The following SH2B1 variants were observed in gnomAD, a reference collection of about 807,000 sequenced individuals.
SH2B1 encodes the protein SH2B adapter protein 1.
Under a neutral mutation model 62.6 loss-of-function variants are expected in SH2B1, and 15 were observed. That is an observed-to-expected ratio of 0.24 (90% confidence interval 0.16 to 0.37). The LOEUF is 0.37. SH2B1 is among the 10% of genes least tolerant of loss of function. SH2B1 has a pLI of 1.00. For synonymous variants in SH2B1, 443 were observed against 438.0 expected, an observed-to-expected ratio of 1.01 and a Z score of -0.14; for missense variants, 925 against 1,015.6, an observed-to-expected ratio of 0.91 and a Z score of 1.21.
chr16:28,855,806 A>ATTTTTT (rs746171586), intron 1 of SH2B1, among the ~76,000 whole-genome samples: 2 of 102,404 alleles, frequency 2.0e-5, no homozygotes, highest in African/African-American at 8.0e-5. Flanking sequence ...CGCCCGGCTA[A>ATTTTTT]TTTTTTTTTT....
upstream of SH2B1, chr16:28,862,090 A>G (rs1221463338): frequency 6.6e-6 from 1 of 152,192 alleles, no homozygotes; most frequent in Non-Finnish European, 1.5e-5. Flanking sequence ...TACTTGGGCC[A>G]TAGCTTCCTT....
At chr16:28,858,368 C>G (rs1297876606) in intron 1 of SH2B1, among the ~76,000 whole-genome samples, 2 of 152,150 alleles carry the variant, frequency 1.3e-5, no homozygotes, top group East Asian at 3.9e-4. Flanking sequence ...CAAAGATTAG[C>G]TGGGTGTGGT....
In SH2B1 at chr16:28,863,953, C is replaced by T. The variant is rs547510267; in HGVS notation, c.-2142C>T. The T allele has an allele frequency of 6.1e-5, 88 of 1,451,236 alleles. 2 individuals are homozygous for T. In the East Asian group the frequency reaches 2.1e-3, roughly 35 times the overall value. The allele number at this position is 1,451,236 out of a possible 1,614,324, so 89.9% of individuals were successfully genotyped here. A position where few individuals can be genotyped will look rare whatever the true frequency, so the allele number is the denominator to read the frequency against. ...TCGGGGACCGAGATGCAGGTGGGACCGGAACCGGAACCCCCCTCTTCAAGT... is the reference window on the plus strand; with the variant it reads ...TCGGGGACCGAGATGCAGGTGGGACTGGAACCGGAACCCCCCTCTTCAAGT... On this transcript the variant is annotated 5_prime_UTR_variant, in exon 1 of 8. Coordinates refer to ENST00000684370, the MANE Select transcript of SH2B1 (RefSeq NM_001387430.1).
At chr16:28,863,652 C>T, upstream of SH2B1, 2 of 1,530,720 alleles carry the variant, frequency 1.3e-6, no homozygotes, top group Non-Finnish European at 1.8e-6. Flanking sequence ...CCCGCTGCGT[C>T]TGTGGTCGCT....
At chr16:28,850,443 A>G (rs1023777843) in intron 1 of SH2B1, among the ~76,000 whole-genome samples, 6 of 152,174 alleles carry the variant, frequency 3.9e-5, no homozygotes, top group African/African-American at 1.2e-4. Context: ...ACATGCTTGT[A>G]TAATCCCAGT....
At chr16:28,863,813 G>T (rs1462551800), upstream of SH2B1, 1 of 1,535,094 alleles carries the variant, frequency 6.5e-7, no homozygotes, top group East Asian at 2.4e-5. Context: ...TTCCTTCAGC[G>T]ACGGGAAAGG....
At position 28,871,893 on chromosome 16, in the gene SH2B1, C is replaced by T. The variant is rs759368706; in HGVS notation, c.1423C>T (p.Arg475Cys). Residue 475 changes from arginine to cysteine, a missense_variant, in exon 5 of 8, where the codon CGC becomes TGC. Arg to Cys is a radical substitution (Grantham distance 180, BLOSUM62 -3). This residue lies in a region of SH2B1 where 683 missense variants were observed against 704.0 expected (regional missense o/e 0.97). Transcript: ENST00000684370. Reference sequence around the variant, plus strand: ...ACTGCTTCCCCCAGAGTTGCCCCCCCGCATCCCCATTGAAGAGGGACCCCC... The same window carrying T: ...ACTGCTTCCCCCAGAGTTGCCCCCCTGCATCCCCATTGAAGAGGGACCCCC... ...MELLPPELPP[R>C]IPIEEGPPTG... The T allele has an allele frequency of 7.8e-6, 12 of 1,542,264 alleles. No homozygotes were observed. Among genetic ancestry groups the T allele is most frequent in the Non-Finnish European group, 9.0e-6 (10 of 1,114,546 alleles).
Position 28,872,482 on chromosome 16 carries a change from G to C in SH2B1, c.1726-52G>C. ...GGAGCACTGCCGGGGGAGGGGGTTT[G>C]TACCTGGCAGGGCCTTTGCCTCCTA... On this transcript the variant is annotated intron_variant, in intron 6 of 7. Transcript: ENST00000684370. This position sits in a 1 kb window ranked among gnomAD's most constrained non-coding sequence, Gnocchi z 5.3. 1 of 1,581,032 alleles carries C rather than the reference G, an allele frequency of 6.3e-7. No individual in the cohort carries two copies. The highest frequency in any genetic ancestry group is 1.2e-5 in the South Asian group (1 of 85,028).
At chr16:28,849,460 A>G (rs189336372) in intron 1 of SH2B1, among the ~76,000 whole-genome samples, 1 of 152,334 alleles carries the variant, frequency 6.6e-6, no homozygotes, top group East Asian at 1.9e-4. Flanking sequence ...TTATCCTAAG[A>G]CACTATTGGC....
chr16:28,855,760 C>T lies in SH2B1; in HGVS notation c.-300-5858C>T, dbSNP rs1057417392. Among the ~76,000 whole-genome samples the T allele has an allele frequency of 6.0e-5, 9 of 150,350 alleles. No homozygotes were observed. The East Asian group carries it at 1.8e-3, about 30-fold the overall frequency. The stretch of plus-strand genomic sequence containing the variant: ...GTTCATGCCATTCTCCTGCCTCCGC[C>T]TCCGGAGTAGCTGGGACTACAGGCG... On this transcript the variant is annotated intron_variant, in intron 1 of 10. Transcript: ENST00000322610.
At chr16:28,857,887 C>G (rs1160027573) in intron 1 of SH2B1, among the ~76,000 whole-genome samples, 1 of 151,998 alleles carries the variant, frequency 6.6e-6, no homozygotes, top group African/African-American at 2.4e-5. Context: ...CTACAGGCGC[C>G]CACCACCACA....
chr16:28,855,643 A>ATTAT (rs1962303459), intron 1 of SH2B1, among the ~76,000 whole-genome samples: 1 of 140,436 alleles, frequency 7.1e-6, no homozygotes, highest in African/African-American at 2.5e-5. Flanking sequence ...TTATTTATTT[A>ATTAT]TTTATTTTTT....
chr16:28,873,367 G>C lies in SH2B1; in HGVS notation c.1898-80G>C. 4 of 1,581,968 alleles carry C rather than the reference G, an allele frequency of 2.5e-6. No homozygotes were observed. The highest frequency in any genetic ancestry group is 2.6e-6 in the Non-Finnish European group (3 of 1,169,838). ...ATGTGGGGAGACAGCCACGCTCCTG[G>C]GGGGCTGAGTGAAGGGGAGGCCACG... On this transcript the variant is annotated intron_variant, in intron 7 of 7. Coordinates refer to ENST00000684370, the MANE Select transcript of SH2B1 (RefSeq NM_001387430.1). The surrounding 1 kb of genome is among the most constrained non-coding windows in gnomAD (Gnocchi z 4.2).
At chr16:28,849,789 G>C (rs540912369) in intron 1 of SH2B1, among the ~76,000 whole-genome samples, 1 of 152,016 alleles carries the variant, frequency 6.6e-6, no homozygotes, top group Non-Finnish European at 1.5e-5. Context: ...ACCTGGGCAT[G>C]GTGCACGCCT....
Position 28,873,396 on chromosome 16 carries a change from G to A in SH2B1, c.1898-51G>A. On this transcript the variant is annotated intron_variant, in intron 7 of 7. Transcript: ENST00000684370. This position sits in a 1 kb window ranked among gnomAD's most constrained non-coding sequence, Gnocchi z 4.2. Reference sequence around the variant, plus strand: ...GCTGAGTGAAGGGGAGGCCACGGCAGGAGCTCACCTGCCTCCACAATCAGT... The same window carrying A: ...GCTGAGTGAAGGGGAGGCCACGGCAAGAGCTCACCTGCCTCCACAATCAGT... 3 of 1,580,304 alleles carry A rather than the reference G, an allele frequency of 1.9e-6. No individual in the cohort carries two copies. Among genetic ancestry groups the A allele is most frequent in the Non-Finnish European group, 2.6e-6 (3 of 1,173,164 alleles).
In SH2B1 at chr16:28,864,870, T is replaced by G. The variant is rs2152172564; in HGVS notation, c.-1225T>G. On this transcript the variant is annotated 5_prime_UTR_variant, in exon 1 of 8. Transcript: ENST00000684370. ...GGCAGTCGTTCAGCGGATGCTTACT[T>G]TGCGTTCAGCGCTGACATACCCCAT... 1 of 223,638 alleles carries G rather than the reference T, an allele frequency of 4.5e-6. No individual in the cohort carries two copies. The highest frequency in any genetic ancestry group is 1.8e-4 in the East Asian group (1 of 5,452). The allele number at this position is 223,638 out of a possible 1,614,324, so 13.9% of individuals were successfully genotyped here. A position where few individuals can be genotyped will look rare whatever the true frequency, so the allele number is the denominator to read the frequency against.
intron 1 of SH2B1, among the ~76,000 whole-genome samples, chr16:28,849,329 C>T (rs1227258932): frequency 6.6e-6 from 1 of 151,556 alleles, no homozygotes; most frequent in Non-Finnish European, 1.5e-5. Context: ...ATACCGGGGC[C>T]CAAGCCGTCT....
At position 28,865,027 on chromosome 16, in the gene SH2B1, C is replaced by T. The variant is rs1962609025; in HGVS notation, c.-1068C>T. ...GCTCATAAGGTGGCTGGACTGGGTG[C>T]TCATAAGGTGGTTTGAGCCCTGGTC... On this transcript the variant is annotated 5_prime_UTR_variant, in exon 1 of 8. Coordinates refer to ENST00000684370, the MANE Select transcript of SH2B1 (RefSeq NM_001387430.1). The T allele has an allele frequency of 1.1e-6, 1 of 922,002 alleles. No individual in the cohort carries two copies. Among genetic ancestry groups the T allele is most frequent in the African/African-American group, 1.8e-5 (1 of 55,968 alleles). 57.1% of individuals were successfully genotyped at this position (922,002 alleles called of 1,614,324 possible).
chr16:28,872,930 G>A lies in SH2B1; in HGVS notation c.1897+225G>A, dbSNP rs1341936899. On this transcript the variant is annotated intron_variant, in intron 7 of 7. Coordinates refer to ENST00000684370, the MANE Select transcript of SH2B1 (RefSeq NM_001387430.1). The surrounding 1 kb of genome is among the most constrained non-coding windows in gnomAD (Gnocchi z 5.3). ...CCTGGCCGGAGCCGGGGCGGCAGCT[G>A]AGAGGTGGGCGGGCGCATCCCCATT... The A allele has an allele frequency of 5.9e-6, 4 of 672,886 alleles. No homozygotes were observed. The African/African-American group carries it at 7.2e-5, about 12-fold the overall frequency. The allele number at this position is 672,886 out of a possible 1,614,324, so 41.7% of individuals were successfully genotyped here. A position where few individuals can be genotyped will look rare whatever the true frequency, so the allele number is the denominator to read the frequency against.
Sources: gnomAD v4.1 joint callset for allele counts (sites outside exome capture counted in the v4.1 genomes callset) on GRCh38, gnomAD v4.1.1 for gene constraint, gnomAD v4.1.1 regional missense constraint, Gnocchi (gnomAD v3.1) non-coding constraint, MANE v1.5 for transcripts, NCBI Gene and HGNC (gene_info 2026-07-23, HGNC 2026-07-21) for gene names.